RPL10: variants seen among roughly 807,000 people sequenced by gnomAD.
RPL10 encodes the protein large ribosomal subunit protein uL16.
A neutral mutation model predicts 15.7 loss-of-function variants in RPL10; 1 was observed. The observed-to-expected ratio is 0.06, with a 90% CI of 0.02 to 0.30. The LOEUF (loss-of-function observed/expected upper bound fraction) is 0.30, where lower values mean the gene tolerates loss of function less well. Among genes scored for constraint, RPL10 ranks in the 10% least tolerant of loss-of-function variants. The probability of loss-of-function intolerance (pLI) is 1.00; values close to 1 mark genes in which losing one functional copy is unlikely to be tolerated. For synonymous variants in RPL10, 59 were observed against 64.0 expected, an observed-to-expected ratio of 0.92 and a Z score of 0.37; for missense variants, 54 against 183.4, an observed-to-expected ratio of 0.29 and a Z score of 4.08.
chrX:154,398,509 C>T lies in RPL10; in HGVS notation c.-11C>T. 1 of 1,211,452 alleles carries T rather than the reference C, an allele frequency of 8.3e-7. No homozygotes were observed. The highest frequency in any genetic ancestry group is 1.1e-6 in the Non-Finnish European group (1 of 895,395). Reference sequence around the variant, plus strand: ...TTTTTCGTTGCAGCCACTGAAGATCCTGGTGTCGCCATGGGCCGCCGCCCC... The same window carrying T: ...TTTTTCGTTGCAGCCACTGAAGATCTTGGTGTCGCCATGGGCCGCCGCCCC... On this transcript the variant is annotated 5_prime_UTR_variant, in exon 2 of 7. Transcript: ENST00000369817.
chrX:154,399,947 C>T lies in RPL10; in HGVS notation c.329+6C>T. ...TCCTGTGCTGGGGCTGACAGGTGAG[C>T]TTGGTCTGGGCCTTTTAAGGCAGTT... On this transcript the variant is annotated splice_donor_region_variant and intron_variant, in intron 5 of 6. Transcript: ENST00000369817. 1 of 1,211,844 alleles carries T rather than the reference C, an allele frequency of 8.3e-7. No individual in the cohort carries two copies. Among genetic ancestry groups the T allele is most frequent in the South Asian group, 1.8e-5 (1 of 57,018 alleles).
intron 2 of RPL10, 80 bp downstream of exon 2, chrX:154,398,622 G>T (rs782059524): frequency 4.4e-6 from 5 of 1,134,860 alleles, no homozygotes; most frequent in Non-Finnish European, 6.0e-6. Context: ...AAACAATTGT[G>T]GGGTGGAGCC....
chrX:154,398,690 AT>A, intron 2 of RPL10, 148 bp downstream of exon 2: 1 of 687,724 alleles, frequency 1.5e-6, no homozygotes, highest in Non-Finnish European at 2.3e-6. Context: ...CCTCCCGGCT[AT>A]TTTTTAGTCT....
At position 154,399,791 on chromosome X, in the gene RPL10, C is replaced by T. The variant is rs371361875; in HGVS notation, c.191-12C>T. 1 of 1,209,410 alleles carries T rather than the reference C, an allele frequency of 8.3e-7. No individual in the cohort carries two copies. The highest frequency in any genetic ancestry group is 1.7e-5 in the African/African-American group (1 of 57,200). On this transcript the variant is annotated splice_polypyrimidine_tract_variant and intron_variant, in intron 4 of 6. Transcript: ENST00000369817. ...CTTCTCTCACTTTGCTGCTTTTCTT[C>T]TCCCTACCTAGCCCTGGAGGCTGCC...
chrX:154,400,433 A>G lies in RPL10; in HGVS notation c.330-31A>G, dbSNP rs368184174. 5 of 1,195,884 alleles carry G rather than the reference A, an allele frequency of 4.2e-6. No homozygotes were observed. The African/African-American group carries it at 7.0e-5, about 17-fold the overall frequency. On this transcript the variant is annotated intron_variant, in intron 5 of 6. Transcript: ENST00000369817. ...AGACAGGCCTTTCAGGTGGATGTTC[A>G]TGTTTCTGACCTTGCACTACCCCAA...
chrX:154,400,092 G>C, intron 5 of RPL10, 151 bp downstream of exon 5: 1 of 674,860 alleles, frequency 1.5e-6, no homozygotes, highest in Non-Finnish European at 2.4e-6. Flanking sequence ...TGGTCACTCA[G>C]GACCCCTTCC....
chrX:154,399,710 C>T, intron 4 of RPL10, 93 bp from the exon 5 acceptor site: 11 of 1,166,581 alleles, frequency 9.4e-6, no homozygotes, highest in Non-Finnish European at 1.3e-5. Context: ...TTACAAAACT[C>T]AGCCAACACA....
intron 4 of RPL10, 45 bp downstream of exon 4, chrX:154,399,639 T>C: frequency 8.5e-7 from 1 of 1,176,133 alleles, no homozygotes; most frequent in Non-Finnish European, 1.2e-6. Context: ...CCTTCCTCCG[T>C]GCTCCCTCAA....
chrX:154,399,249 C>G, intron 2 of RPL10, 89 bp from the exon 3 acceptor site: 1 of 934,219 alleles, frequency 1.1e-6, no homozygotes, highest in Non-Finnish European at 1.6e-6. Context: ...CTTTTCCCGT[C>G]CCTCGTTTGG....
chrX:154,398,240 C>T, upstream of RPL10: 1 of 494,755 alleles, frequency 2.0e-6, no homozygotes, highest in Non-Finnish European at 3.7e-6. Flanking sequence ...GGGCTACGCC[C>T]GGGCGCAAGC....
chrX:154,398,776 C>T lies in RPL10; in HGVS notation c.23+234C>T, dbSNP rs782143868. ...GTTCCCTCGTATCTCTGCCTGTGTC[C>T]TGCAAGCTCACCGCATTTTCGGGCG... On this transcript the variant is annotated intron_variant, in intron 2 of 6. Coordinates refer to ENST00000369817, the MANE Select transcript of RPL10 (RefSeq NM_006013.5). The T allele has an allele frequency of 2.2e-5, 10 of 449,276 alleles. No individual in the cohort carries two copies. In the South Asian group the frequency reaches 3.0e-4, roughly 13 times the overall value. The allele number at this position is 449,276 out of a possible 1,213,427, so 37.0% of individuals were successfully genotyped here. A position where few individuals can be genotyped will look rare whatever the true frequency, so the allele number is the denominator to read the frequency against.
upstream of RPL10, chrX:154,398,252 C>T: frequency 3.9e-6 from 2 of 506,566 alleles, no homozygotes; most frequent in South Asian, 4.8e-5. Context: ...GGCGCAAGCG[C>T]CAAGAGCGGC....
At position 154,399,609 on chromosome X, in the gene RPL10, T is replaced by C; in HGVS notation, c.190+15T>C. 1 of 1,199,916 alleles carries C rather than the reference T, an allele frequency of 8.3e-7. No individual in the cohort carries two copies. The highest frequency in any genetic ancestry group is 3.0e-5 in the East Asian group (1 of 33,818). ...GTCCTCTGAAGGTAAGGCAGGATTCTTTGTTCGTCACCCCCCAGTCCTTCC... is the reference window on the plus strand; with the variant it reads ...GTCCTCTGAAGGTAAGGCAGGATTCCTTGTTCGTCACCCCCCAGTCCTTCC... On this transcript the variant is annotated intron_variant, in intron 4 of 6. Transcript: ENST00000369817.
rs1230213805 is a variant in RPL10 at position 154,401,450 on chromosome X, TCAC to T, written c.*601_*603del. 8.9e-5 allele frequency: 12 copies of T among 134,126 alleles called. No homozygotes were observed. The highest frequency in any genetic ancestry group is 1.1e-4 in the Non-Finnish European group (7 of 66,220). The allele number at this position is 134,126 out of a possible 1,213,427, so 11.1% of individuals were successfully genotyped here. On this transcript the variant is annotated 3_prime_UTR_variant, in exon 7 of 7. Coordinates refer to ENST00000369817, the MANE Select transcript of RPL10 (RefSeq NM_006013.5). ...TCTAGAACCTGCATTCCCAGGGCCT[TCAC>T]CACCTGACCAAAGGTCTAGGCTAAC...
Position 154,399,871 on chromosome X carries a change from A to G in RPL10, c.259A>G (p.Ile87Val). ...AAGTTGTGGCAAAGATGGCTTCCAT[A>G]TCCGGGTGCGGCTCCACCCCTTCCA... ...VKSCGKDGFHIRVRLHPFHVI... is the reference protein window; with the variant it reads ...VKSCGKDGFHVRVRLHPFHVI... The change falls in exon 5 of 7, where the codon ATC (isoleucine) becomes GTC (valine). Residue 87 changes from isoleucine (I) to valine (V), a missense_variant. Coordinates refer to ENST00000369817, the MANE Select transcript of RPL10 (RefSeq NM_006013.5). The G allele has an allele frequency of 8.3e-7, 1 of 1,211,970 alleles. No individual in the cohort carries two copies.
chrX:154,399,727 C>G (rs1474169400), intron 4 of RPL10, 76 bp from the exon 5 acceptor site: 3 of 1,187,205 alleles, frequency 2.5e-6, no homozygotes, highest in Non-Finnish European at 3.4e-6. Flanking sequence ...CACAGTTCCC[C>G]TGAGCTGGAG....
chrX:154,401,035 C>G lies in RPL10; in HGVS notation c.*181C>G, dbSNP rs782540746. On this transcript the variant is annotated 3_prime_UTR_variant, in exon 7 of 7. Coordinates refer to ENST00000369817, the MANE Select transcript of RPL10 (RefSeq NM_006013.5). ...AGCCCTGCTCATGAGGCAGCAAACC[C>G]TGCAAAGGGCTGGGACTGGTGGCCT... The G allele has an allele frequency of 2.4e-5, 27 of 1,142,298 alleles. No homozygotes were observed. The highest frequency in any genetic ancestry group is 3.1e-5 in the Non-Finnish European group (27 of 858,693). 94.1% of individuals were successfully genotyped at this position (1,142,298 alleles called of 1,213,427 possible).
At position 154,401,090 on chromosome X, in the gene RPL10, T is replaced by A. The variant is rs2068022044; in HGVS notation, c.*236T>A. On this transcript the variant is annotated 3_prime_UTR_variant, in exon 7 of 7. Coordinates refer to ENST00000369817, the MANE Select transcript of RPL10 (RefSeq NM_006013.5). ...TCAGTTGTCTACTCTGGAGCTTGACTTGGACCTCCCCAGGTCCTAGGCAGT... is the reference window on the plus strand; with the variant it reads ...TCAGTTGTCTACTCTGGAGCTTGACATGGACCTCCCCAGGTCCTAGGCAGT... 1 of 927,250 alleles carries A rather than the reference T, an allele frequency of 1.1e-6. No homozygotes were observed. The highest frequency in any genetic ancestry group is 2.0e-5 in the African/African-American group (1 of 50,629). The allele number at this position is 927,250 out of a possible 1,213,427, so 76.4% of individuals were successfully genotyped here.
At chrX:154,399,698 C>T in intron 4 of RPL10, 104 bp downstream of exon 4, 1 of 1,159,678 alleles carries the variant, frequency 8.6e-7, no homozygotes, top group Non-Finnish European at 1.2e-6. Flanking sequence ...GAAACATGAG[C>T]CTTACAAAAC....
Sources: allele counts gnomAD v4.1 joint callset, GRCh38; gene constraint gnomAD v4.1.1; transcripts MANE v1.5; gene names NCBI Gene and HGNC (gene_info 2026-07-23, HGNC 2026-07-21).